IL1RAPL1: variants seen among roughly 807,000 people sequenced by gnomAD.
IL1RAPL1 encodes the protein interleukin-1 receptor accessory protein-like 1.
IL1RAPL1 carries 3 observed loss-of-function variants against 48.4 expected under a neutral mutation model. The observed-to-expected ratio is 0.06, with a 90% CI of 0.03 to 0.16. IL1RAPL1 has a LOEUF of 0.16. Ranked by LOEUF, IL1RAPL1 falls within the 10% of genes least tolerant of loss-of-function variation. The probability of loss-of-function intolerance (pLI) is 1.00; values close to 1 mark genes in which losing one functional copy is unlikely to be tolerated. For synonymous variants in IL1RAPL1, 185 were observed against 187.7 expected, an observed-to-expected ratio of 0.99 and a Z score of 0.12; for missense variants, 349 against 530.6, an observed-to-expected ratio of 0.66 and a Z score of 3.36.
intron 2 of IL1RAPL1, among the ~76,000 whole-genome samples, chrX:29,245,739 G>A (rs1236764220): frequency 1.8e-5 from 2 of 111,700 alleles, no homozygotes; most frequent in Admixed American, 9.5e-5. Context: ...CTTTCACTTC[G>A]ATGATTGTTT....
intron 1 of IL1RAPL1, among the ~76,000 whole-genome samples, chrX:28,613,173 C>G (rs1476866447): frequency 8.9e-6 from 1 of 112,322 alleles, no homozygotes; most frequent in Non-Finnish European, 1.9e-5. Flanking sequence ...GATAATGGCT[C>G]AGGTTGCCTT....
intron 2 of IL1RAPL1, among the ~76,000 whole-genome samples, chrX:29,103,325 A>G (rs1156577029): frequency 8.9e-6 from 1 of 111,924 alleles, no homozygotes. Flanking sequence ...CTATACATCT[A>G]CAGTGAACTT....
intron 6 of IL1RAPL1, among the ~76,000 whole-genome samples, chrX:29,774,306 G>C (rs1929139278): frequency 9.0e-6 from 1 of 111,588 alleles, no homozygotes; most frequent in Non-Finnish European, 1.9e-5. Context: ...TTCATTATCA[G>C]TGGGAAATTT....
intron 9 of IL1RAPL1, among the ~76,000 whole-genome samples, chrX:29,947,750 GTGT>G (rs1933240592): frequency 1.1e-5 from 1 of 89,610 alleles, no homozygotes; most frequent in South Asian, 5.0e-4. Flanking sequence ...ATTTTTTTTG[GTGT>G]TTTTTTTTTT....
intron 5 of IL1RAPL1, among the ~76,000 whole-genome samples, chrX:29,639,989 C>G (rs759229717): frequency 9.0e-6 from 1 of 111,252 alleles, no homozygotes; most frequent in Non-Finnish European, 1.9e-5. Context: ...CTCTCTTGAT[C>G]GCTAGTCCAG....
At chrX:28,703,968 T>G (rs1034369554) in intron 1 of IL1RAPL1, among the ~76,000 whole-genome samples, 3 of 111,927 alleles carry the variant, frequency 2.7e-5, no homozygotes, top group Non-Finnish European at 5.6e-5. Flanking sequence ...CCTTAGGCTA[T>G]GAGTGGTAGA....
intron 1 of IL1RAPL1, among the ~76,000 whole-genome samples, chrX:28,632,746 A>G (rs1934414071): frequency 8.9e-6 from 1 of 111,956 alleles, no homozygotes; most frequent in Admixed American, 9.5e-5. Context: ...AAATTTAGTG[A>G]AGAGTGGCAT....
chrX:29,731,543 A>G (rs1927919178), intron 6 of IL1RAPL1, among the ~76,000 whole-genome samples: 1 of 112,204 alleles, frequency 8.9e-6, no homozygotes, highest in Non-Finnish European at 1.9e-5. Flanking sequence ...GGAAGCAAAA[A>G]TAGTGCAAAG....
intron 2 of IL1RAPL1, among the ~76,000 whole-genome samples, chrX:29,016,606 T>C (rs1011919443): frequency 2.7e-5 from 3 of 111,320 alleles, no homozygotes; most frequent in African/African-American, 6.5e-5. Context: ...ATGTACATTG[T>C]GAATGATTGG....
chrX:29,765,127 AAC>A (rs1327088809), intron 6 of IL1RAPL1, among the ~76,000 whole-genome samples: 1 of 112,413 alleles, frequency 8.9e-6, no homozygotes, highest in Non-Finnish European at 1.9e-5. Context: ...AGCGAAATAA[AAC>A]AGTCAGGTGA....
intron 5 of IL1RAPL1, among the ~76,000 whole-genome samples, chrX:29,617,854 A>AT (rs1924336031): frequency 8.9e-6 from 1 of 111,859 alleles, no homozygotes; most frequent in Admixed American, 9.5e-5. Context: ...TCCCTTGCCT[A>AT]TTTTACTGCT....
At chrX:29,814,366 C>T (rs1049310311) in intron 6 of IL1RAPL1, among the ~76,000 whole-genome samples, 4 of 111,680 alleles carry the variant, frequency 3.6e-5, no homozygotes, top group Non-Finnish European at 7.5e-5. Context: ...TGTTTCTTGG[C>T]TGCACATACG....
chrX:29,644,278 C>G (rs940071308), intron 5 of IL1RAPL1, among the ~76,000 whole-genome samples: 2 of 111,977 alleles, frequency 1.8e-5, no homozygotes, highest in African/African-American at 6.5e-5. Flanking sequence ...TTTCTTTTTG[C>G]TACCATCTTA....
chrX:29,027,227 A>G (rs1926505184), intron 2 of IL1RAPL1, among the ~76,000 whole-genome samples: 1 of 112,297 alleles, frequency 8.9e-6, no homozygotes, highest in Non-Finnish European at 1.9e-5. Context: ...GGCAACCACA[A>G]ACCTTTTTAC....
At chrX:29,227,092 G>C (rs1442807960) in intron 2 of IL1RAPL1, among the ~76,000 whole-genome samples, 1 of 109,452 alleles carries the variant, frequency 9.1e-6, no homozygotes, top group African/African-American at 3.3e-5. Flanking sequence ...GTAATTTAGA[G>C]TGTTTTTATT....
intron 5 of IL1RAPL1, among the ~76,000 whole-genome samples, chrX:29,554,822 G>C (rs1450534071): frequency 9.0e-6 from 1 of 111,682 alleles, no homozygotes; most frequent in African/African-American, 3.3e-5. Flanking sequence ...GTAATACTGT[G>C]GTAACTGGGA....
chrX:28,800,972 C>G (rs180749706), intron 2 of IL1RAPL1, among the ~76,000 whole-genome samples: 1 of 108,926 alleles, frequency 9.2e-6, no homozygotes, highest in East Asian at 2.9e-4. Flanking sequence ...ACCTCCACCT[C>G]CAGAGTTCAA....
rs768030586 is a variant in IL1RAPL1, at chrX:29,873,669, G to A, written c.779-43795G>A. Among the ~76,000 whole-genome samples, 5 of 111,854 alleles carry A rather than the reference G, an allele frequency of 4.5e-5. No individual in the cohort carries two copies. The South Asian group carries it at 1.5e-3, about 33-fold the overall frequency. On this transcript the variant is annotated intron_variant, in intron 6 of 10. Coordinates refer to ENST00000378993, the MANE Select transcript of IL1RAPL1 (RefSeq NM_014271.4). ...AAATTTTTGTTCTTTATAAGCCACC[G>A]ACTTTGTGGTATTTTTTGTTATAAC...
chrX:29,081,020 CTT>C (rs1555960746), intron 2 of IL1RAPL1, among the ~76,000 whole-genome samples: 1,620 of 41,686 alleles, frequency 0.039, 50 homozygotes, highest in Non-Finnish European at 0.052. Context: ...CTCTCTCTCT[CTT>C]TCTTTTCTTT....
Sources: gnomAD v4.1 joint callset for allele counts (sites outside exome capture counted in the v4.1 genomes callset) on GRCh38, gnomAD v4.1.1 for gene constraint, MANE v1.5 for transcripts, NCBI Gene and HGNC (gene_info 2026-07-23, HGNC 2026-07-21) for gene names.